Variants in GRIP1 observed in about 807,000 individuals in gnomAD.
GRIP1 encodes glutamate receptor interacting protein 1.
In GRIP1, 45 loss-of-function variants were observed where a neutral mutation model predicts 129.9. The observed-to-expected ratio is 0.35, with a 90% confidence interval of 0.27 to 0.44. The LOEUF is 0.44. GRIP1 is among the 20% of genes least tolerant of loss of function. GRIP1 has a pLI of 1.00. For synonymous variants in GRIP1, 530 were observed against 520.8 expected (o/e 1.02, Z -0.24); for missense variants, 1,196 against 1,396.8 (o/e 0.86, Z 2.29).
intron 1 of GRIP1, among the ~76,000 whole-genome samples, chr12:66,885,060 T>C (rs17827783): frequency 0.093 from 14,202 of 152,290 alleles, 760 homozygotes; most frequent in Admixed American, 0.17. Flanking sequence ...AAAATGAGCC[T>C]GAAGAATTGA....
At chr12:66,661,490 GA>G (rs200071628) in intron 1 of GRIP1, among the ~76,000 whole-genome samples, 7 of 146,752 alleles carry the variant, frequency 4.8e-5, no homozygotes, top group East Asian at 2.0e-4. Flanking sequence ...GGGGAGATGG[GA>G]AAAAAAATAA....
chr12:66,363,445 C>T (rs2054934388), intron 23 of GRIP1, among the ~76,000 whole-genome samples: 1 of 147,732 alleles, frequency 6.8e-6, no homozygotes, highest in Non-Finnish European at 1.5e-5. Flanking sequence ...GACACTGGGT[C>T]TCACTATGTT....
intron 1 of GRIP1, among the ~76,000 whole-genome samples, chr12:66,843,983 C>A (rs1436189471): frequency 1.3e-5 from 2 of 151,982 alleles, no homozygotes; most frequent in Non-Finnish European, 2.9e-5. Context: ...AGCTTCCATG[C>A]ATGAAATAAC....
intron 1 of GRIP1, among the ~76,000 whole-genome samples, chr12:66,792,992 T>C (rs1371373330): frequency 6.6e-6 from 1 of 152,182 alleles, no homozygotes; most frequent in African/African-American, 2.4e-5. Context: ...ATTTACTTTA[T>C]TCATGGAAGA....
At chr12:66,654,983 T>C (rs1198520503) in intron 1 of GRIP1, among the ~76,000 whole-genome samples, 2 of 152,350 alleles carry the variant, frequency 1.3e-5, no homozygotes, top group East Asian at 3.9e-4. Context: ...TTATTTTCAT[T>C]ACCTCTTTAA....
At chr12:66,824,446 T>A (rs567268809) in intron 1 of GRIP1, among the ~76,000 whole-genome samples, 2 of 152,310 alleles carry the variant, frequency 1.3e-5, no homozygotes, top group South Asian at 4.1e-4. Context: ...CTGGGTCTTT[T>A]TGATGTGACA....
chr12:66,867,930 T>C lies in GRIP1; in HGVS notation c.58+201120A>G, dbSNP rs562735711. ...GACGTGCAGAAAAGTATTTGTTTGG[T>C]ATTAAACAACACTAAATTTTCAATT... On this transcript the variant is annotated intron_variant, in intron 1 of 1. Coordinates refer to the GRIP1 transcript ENST00000643019. Among the ~76,000 whole-genome samples, 5 of 152,206 alleles carry C rather than the reference T, an allele frequency of 3.3e-5. No individual in the cohort carries two copies. The East Asian group carries it at 7.7e-4, about 24-fold the overall frequency.
intron 1 of GRIP1, among the ~76,000 whole-genome samples, chr12:67,063,084 T>C (rs1003072466): frequency 6.6e-6 from 1 of 152,220 alleles, no homozygotes; most frequent in African/African-American, 2.4e-5. Context: ...TCACATGACA[T>C]AGATATTTCT....
intron 15 of GRIP1, among the ~76,000 whole-genome samples, chr12:66,410,228 C>T (rs1005352671): frequency 2.1e-5 from 2 of 95,696 alleles, no homozygotes; most frequent in African/African-American, 4.0e-5. Flanking sequence ...CCCGCCTGGG[C>T]GACAGAGCGA....
At chr12:66,832,903 G>A (rs1299031700) in intron 1 of GRIP1, among the ~76,000 whole-genome samples, 4 of 152,162 alleles carry the variant, frequency 2.6e-5, no homozygotes, top group African/African-American at 9.7e-5. Flanking sequence ...TCTGACCCAT[G>A]ATCCTAGCAA....
intron 1 of GRIP1, among the ~76,000 whole-genome samples, chr12:66,892,837 C>A (rs2040684396): frequency 6.6e-6 from 1 of 152,088 alleles, no homozygotes. Flanking sequence ...TATGGTGGTG[C>A]ACACCTGTGG....
intron 2 of GRIP1, among the ~76,000 whole-genome samples, chr12:66,591,669 A>T (rs572188046): frequency 9.2e-5 from 14 of 152,088 alleles, no homozygotes; most frequent in African/African-American, 3.4e-4. Context: ...TCACTCTGTC[A>T]CCCAGGCTGG....
intron 5 of GRIP1, among the ~76,000 whole-genome samples, chr12:66,526,373 T>G (rs560146536): frequency 6.6e-5 from 10 of 152,250 alleles, no homozygotes; most frequent in African/African-American, 2.2e-4. Flanking sequence ...GAAATAATGC[T>G]GCATGTCTAC....
rs1056183700 is a variant in GRIP1 at position 66,348,256 on chromosome 12, AATAAG to A, written c.*758_*762del. On this transcript the variant is annotated 3_prime_UTR_variant, in exon 25 of 25. Transcript: ENST00000359742. ...GAAGTTCTTAGTCTTGAATTTTAAA[AATAAG>A]ATAATATAACTAATTCTCATGTTTA... The A allele has an allele frequency of 2.8e-4, 43 of 152,238 alleles. No homozygotes were observed. The highest frequency in any genetic ancestry group is 4.1e-4 in the African/African-American group (17 of 41,480). The allele number at this position is 152,238 out of a possible 1,614,324, so 9.4% of individuals were successfully genotyped here.
At chr12:66,686,730 T>G (rs962764350) in intron 1 of GRIP1, among the ~76,000 whole-genome samples, 1 of 152,090 alleles carries the variant, frequency 6.6e-6, no homozygotes, top group Non-Finnish European at 1.5e-5. Context: ...TAGGAAGGAG[T>G]TAAGTTTTCC....
At chr12:67,046,183 A>G (rs2043250774) in intron 1 of GRIP1, among the ~76,000 whole-genome samples, 1 of 152,172 alleles carries the variant, frequency 6.6e-6, no homozygotes, top group South Asian at 2.1e-4. Context: ...TCAAAGTCAA[A>G]GCCAATAATT....
intron 2 of GRIP1, among the ~76,000 whole-genome samples, chr12:66,556,393 C>T (rs771667986): frequency 6.6e-6 from 1 of 151,942 alleles, no homozygotes; most frequent in Non-Finnish European, 1.5e-5. Flanking sequence ...TGAGGGATTC[C>T]ATGAGCACCA....
chr12:66,419,425 A>T (rs1175611627), intron 15 of GRIP1, among the ~76,000 whole-genome samples: 1 of 152,152 alleles, frequency 6.6e-6, no homozygotes, highest in Non-Finnish European at 1.5e-5. Flanking sequence ...ATTTAATTGT[A>T]CACTTAAAAA....
At chr12:67,031,435 C>A (rs754308376) in intron 1 of GRIP1, among the ~76,000 whole-genome samples, 1 of 152,200 alleles carries the variant, frequency 6.6e-6, no homozygotes, top group East Asian at 1.9e-4. Flanking sequence ...GCCTTCCTCA[C>A]TAGACACCAT....
Sources: gnomAD v4.1 joint callset for allele counts (sites outside exome capture counted in the v4.1 genomes callset) on GRCh38, gnomAD v4.1.1 for gene constraint, MANE v1.5 for transcripts, NCBI Gene and HGNC (gene_info 2026-07-23, HGNC 2026-07-21) for gene names.